The following ANKS1B variants were observed in gnomAD, a reference collection of about 807,000 sequenced individuals.
ANKS1B encodes ankyrin repeat and sterile alpha motif domain containing 1B.
In ANKS1B, 36 loss-of-function variants were observed where a neutral mutation model predicts 148.3. That is an observed-to-expected ratio of 0.24 (90% CI 0.19 to 0.32). The LOEUF (loss-of-function observed/expected upper bound fraction) is 0.32, where lower values mean the gene tolerates loss of function less well. Among genes scored for constraint, ANKS1B ranks in the 10% least tolerant of loss-of-function variants. ANKS1B has a pLI of 1.00. For missense variants in ANKS1B, 1,157 were observed against 1,542.6 expected (o/e 0.75, Z 4.19); for synonymous variants, 542 against 560.8 (o/e 0.97, Z 0.47).
intron 22 of ANKS1B, among the ~76,000 whole-genome samples, chr12:98,788,383 G>A (rs1396880839): frequency 6.6e-6 from 1 of 152,162 alleles, no homozygotes; most frequent in East Asian, 1.9e-4. Flanking sequence ...TTCTTGACAG[G>A]GTAGAAGGAT....
intron 17 of ANKS1B, among the ~76,000 whole-genome samples, chr12:98,978,865 C>T (rs1311163421): frequency 2.6e-5 from 4 of 151,964 alleles, no homozygotes; most frequent in South Asian, 2.1e-4. Context: ...AAACGAGGGC[C>T]GGGCGCGGTG....
chr12:98,899,211 T>C (rs1204274451), intron 17 of ANKS1B, among the ~76,000 whole-genome samples: 1 of 152,250 alleles, frequency 6.6e-6, no homozygotes, highest in Non-Finnish European at 1.5e-5. Context: ...AATTGTTTTG[T>C]GATCTTGAGT....
intron 9 of ANKS1B, among the ~76,000 whole-genome samples, chr12:99,649,023 T>C (rs189194492): frequency 1.3e-5 from 2 of 152,330 alleles, no homozygotes; most frequent in Admixed American, 6.5e-5. Context: ...CAACTCTTCA[T>C]TTTATATCCA....
chr12:99,000,050 A>C (rs1002237793), intron 17 of ANKS1B, among the ~76,000 whole-genome samples: 1 of 152,166 alleles, frequency 6.6e-6, no homozygotes, highest in African/African-American at 2.4e-5. Flanking sequence ...TGGAATGTCC[A>C]GTAAAATGCT....
At chr12:99,659,463 C>A (rs541236994) in intron 8 of ANKS1B, among the ~76,000 whole-genome samples, 4 of 151,900 alleles carry the variant, frequency 2.6e-5, no homozygotes, top group African/African-American at 9.7e-5. Flanking sequence ...GGTTATTACA[C>A]GGTAATAAAG....
intron 12 of ANKS1B, among the ~76,000 whole-genome samples, chr12:99,397,994 G>A (rs1281205988): frequency 6.6e-6 from 1 of 152,092 alleles, no homozygotes; most frequent in Non-Finnish European, 1.5e-5. Flanking sequence ...AGCAAAGAAA[G>A]CCAGTATGGC....
chr12:99,439,963 C>T (rs1310348603), intron 11 of ANKS1B, among the ~76,000 whole-genome samples: 3 of 151,682 alleles, frequency 2.0e-5, no homozygotes, highest in Non-Finnish European at 4.4e-5. Context: ...AAACCACTTA[C>T]CATGAAAGAA....
At chr12:98,837,238 G>A (rs916872531) in intron 17 of ANKS1B, among the ~76,000 whole-genome samples, 3 of 151,606 alleles carry the variant, frequency 2.0e-5, no homozygotes, top group Non-Finnish European at 4.4e-5. Flanking sequence ...TCGGGAGGCC[G>A]AGGCAGGAGA....
intron 16 of ANKS1B, among the ~76,000 whole-genome samples, chr12:99,077,976 T>C (rs1286720301): frequency 6.6e-6 from 1 of 152,158 alleles, no homozygotes; most frequent in Non-Finnish European, 1.5e-5. Context: ...CCCAATGCTT[T>C]GTTTTGTTAA....
chr12:99,777,207 A>G (rs997365186), intron 6 of ANKS1B, among the ~76,000 whole-genome samples: 2 of 152,240 alleles, frequency 1.3e-5, no homozygotes. Context: ...TTAAAATCTA[A>G]TAAAGAAAAT....
At chr12:99,701,903 A>G (rs906686792) in intron 8 of ANKS1B, among the ~76,000 whole-genome samples, 1 of 152,110 alleles carries the variant, frequency 6.6e-6, no homozygotes, top group Non-Finnish European at 1.5e-5. Flanking sequence ...GAACTCCATC[A>G]TGTATATGTG....
intron 7 of ANKS1B, among the ~76,000 whole-genome samples, chr12:99,774,125 A>C (rs932271744): frequency 6.6e-6 from 1 of 152,094 alleles, no homozygotes; most frequent in Non-Finnish European, 1.5e-5. Context: ...AGCAAAAATG[A>C]ACACGCAGGA....
chr12:99,041,104 A>G (rs2099958662), intron 17 of ANKS1B, among the ~76,000 whole-genome samples: 2 of 152,154 alleles, frequency 1.3e-5, no homozygotes, highest in Admixed American at 1.3e-4. Context: ...AGAACATAAC[A>G]CTGGGGAAAG....
chr12:99,159,751 T>A (rs373363012), intron 14 of ANKS1B, among the ~76,000 whole-genome samples: 1 of 152,344 alleles, frequency 6.6e-6, no homozygotes, highest in African/African-American at 2.4e-5. Context: ...GACCCAGTAA[T>A]GGGACTGCTG....
chr12:99,953,926 A>T (rs2095271457), intron 1 of ANKS1B, among the ~76,000 whole-genome samples: 1 of 152,116 alleles, frequency 6.6e-6, no homozygotes, highest in African/African-American at 2.4e-5. Context: ...AGAGTGAAAA[A>T]GGTTTGGAAC....
chr12:99,814,646 C>T (rs2068870416), intron 2 of ANKS1B, among the ~76,000 whole-genome samples: 1 of 151,726 alleles, frequency 6.6e-6, no homozygotes, highest in Admixed American at 6.6e-5. Context: ...GAAGTCCCAA[C>T]TCTCTACTAT....
intron 1 of ANKS1B, among the ~76,000 whole-genome samples, chr12:99,970,443 A>G (rs1387079): frequency 0.3 from 45,717 of 151,888 alleles, 7,177 homozygotes; most frequent in Middle Eastern, 0.4. Flanking sequence ...GTTTTTAGCA[A>G]TAAGATTAAA....
At chr12:99,052,455 C>T (rs1238156607) in intron 17 of ANKS1B, among the ~76,000 whole-genome samples, 9 of 148,806 alleles carry the variant, frequency 6.0e-5, no homozygotes, top group African/African-American at 7.5e-5. Context: ...GGGCCGGGCG[C>T]GGTGGCTCAC....
chr12:98,908,141 G>A (rs1451483439), intron 17 of ANKS1B, among the ~76,000 whole-genome samples: 6 of 152,142 alleles, frequency 3.9e-5, no homozygotes, highest in African/African-American at 1.4e-4. Context: ...AATCTGTTGG[G>A]TAGTCACCTG....
Sources: gnomAD v4.1 joint callset for allele counts (sites outside exome capture counted in the v4.1 genomes callset) on GRCh38, gnomAD v4.1.1 for gene constraint, MANE v1.5 for transcripts, NCBI Gene and HGNC (gene_info 2026-07-23, HGNC 2026-07-21) for gene names.